Variants in IPO9 observed in about 807,000 individuals in gnomAD.
The protein encoded by IPO9 is importin-9.
In IPO9, 28 loss-of-function variants were observed where a neutral mutation model predicts 128.6. The ratio of observed to expected loss-of-function variants is 0.22; its 90% CI spans 0.16 to 0.30. IPO9 has a LOEUF of 0.30. Ranked by LOEUF, IPO9 falls within the 10% of genes least tolerant of loss-of-function variation. The probability of loss-of-function intolerance (pLI) is 1.00; values close to 1 mark genes in which losing one functional copy is unlikely to be tolerated. For synonymous variants in IPO9, 455 were observed against 475.8 expected (o/e 0.96, Z 0.57); for missense variants, 935 against 1,293.9 (o/e 0.72, Z 4.26).
intron 1 of IPO9, chr1:201,829,592 G>C (rs779140081): frequency 6.5e-5 from 23 of 355,746 alleles, no homozygotes; most frequent in African/African-American, 4.5e-4. Context: ...GCCTGGGAGT[G>C]GGGGAGGGAG....
intron 5 of IPO9, 142 bp from the exon 6 acceptor site, chr1:201,852,869 G>A: frequency 1.5e-6 from 1 of 674,226 alleles, no homozygotes; most frequent in East Asian, 2.5e-5. Flanking sequence ...GGACATAAAT[G>A]AATTACATTT....
chr1:201,841,981 A>G (rs1271466284), intron 1 of IPO9, among the ~76,000 whole-genome samples: 1 of 152,184 alleles, frequency 6.6e-6, no homozygotes, highest in Non-Finnish European at 1.5e-5. Context: ...CCCACCAGCA[A>G]ACAAGCAGTC....
intron 8 of IPO9, 43 bp from the exon 9 acceptor site, chr1:201,855,081 G>A (rs1365464570): frequency 1.4e-6 from 2 of 1,398,932 alleles, no homozygotes; most frequent in African/African-American, 1.4e-5. Flanking sequence ...TAGATTATAT[G>A]TAAAGCAGAC....
At position 201,869,734 on chromosome 1, in the gene IPO9, A is replaced by G. The variant is rs765309640; in HGVS notation, c.2133+16A>G. ...CACCATGCAGGTATCTGAGACATGGAGAGTAGAAGAGGGAAGATAGCTCCC... is the reference window on the plus strand; with the variant it reads ...CACCATGCAGGTATCTGAGACATGGGGAGTAGAAGAGGGAAGATAGCTCCC... On this transcript the variant is annotated intron_variant, in intron 17 of 23. Coordinates refer to ENST00000361565, the MANE Select transcript of IPO9 (RefSeq NM_018085.5). The G allele has an allele frequency of 6.2e-7, 1 of 1,613,384 alleles. No individual in the cohort carries two copies. Among genetic ancestry groups the G allele is most frequent in the Non-Finnish European group, 8.5e-7 (1 of 1,179,638 alleles).
At chr1:201,847,802 G>A (rs1395383290) in intron 3 of IPO9, among the ~76,000 whole-genome samples, 164 bp downstream of exon 3, 6 of 152,176 alleles carry the variant, frequency 3.9e-5, no homozygotes, top group Non-Finnish European at 4.4e-5. Context: ...AAGAGCTCAA[G>A]TATCAGGCTG....
chr1:201,848,569 C>G lies in IPO9; in HGVS notation c.489C>G (p.Val163=), dbSNP rs1369965270. The change falls in exon 4 of 24, where the codon GTC becomes GTG. Residue 163 remains valine (V), a synonymous_variant. Coordinates refer to ENST00000361565, the MANE Select transcript of IPO9 (RefSeq NM_018085.5). ...EMLVSGDLNA[V]HGAMRVLTEF... is the part of the protein sequence containing the mutation. ...TGGTGAGCGGAGACTTAAATGCCGT[C>G]CATGGAGCCATGCGTGTGCTGACAG... The G allele has an allele frequency of 6.2e-7, 1 of 1,614,070 alleles. No individual in the cohort carries two copies. Among genetic ancestry groups the G allele is most frequent in the South Asian group, 1.1e-5 (1 of 91,074 alleles).
At position 201,858,489 on chromosome 1, in the gene IPO9, G is replaced by C. The variant is rs768072057; in HGVS notation, c.1264G>C (p.Ala422Pro). ...CCAGAATGAAAGTGCAGCAGCCCTG[G>C]CTGCTGCAGCCACTCGACATTTACA... is the stretch of plus-strand genomic sequence containing the variant. Reference protein sequence around the residue: ...DFQNESAAALAAAATRHLQEA... With the variant: ...DFQNESAAALPAAATRHLQEA... The change falls in exon 12 of 24, where the codon GCT becomes CCT. Residue 422 changes from alanine to proline, a missense_variant. By Grantham distance (27) the Ala-to-Pro change is conservative (BLOSUM62 -1). This residue lies in a region of IPO9 where 741 missense variants were observed against 1,019.1 expected (regional missense o/e 0.73). Transcript: ENST00000361565. The C allele has an allele frequency of 1.4e-5, 23 of 1,597,006 alleles. No homozygotes were observed. The highest frequency in any genetic ancestry group is 1.6e-5 in the Non-Finnish European group (19 of 1,172,664).
At chr1:201,860,287 A>G (rs887207124) in intron 13 of IPO9, among the ~76,000 whole-genome samples, 2 of 152,234 alleles carry the variant, frequency 1.3e-5, no homozygotes, top group Non-Finnish European at 2.9e-5. Context: ...CGGGTGTCTC[A>G]GTCCATCACT....
intron 1 of IPO9, among the ~76,000 whole-genome samples, chr1:201,846,520 C>T (rs993271446): frequency 2.0e-5 from 3 of 151,982 alleles, no homozygotes; most frequent in Admixed American, 6.6e-5. Context: ...TACAGGTGCC[C>T]GCTACCATGC....
intron 10 of IPO9, 62 bp from the exon 11 acceptor site, chr1:201,857,034 T>A: frequency 9.8e-6 from 10 of 1,022,048 alleles, no homozygotes; most frequent in Non-Finnish European, 1.6e-5. Context: ...TTCCTGTATC[T>A]GTTGATGAAA....
rs1010943423 is a variant in IPO9 at position 201,877,507 on chromosome 1, A to G, written c.*1453A>G. 2.6e-5 allele frequency: 3 copies of G among 117,348 alleles called. No homozygotes were observed. The highest frequency in any genetic ancestry group is 8.9e-5 in the Admixed American group (1 of 11,270). 7.3% of individuals were successfully genotyped at this position (117,348 alleles called of 1,614,324 possible). On this transcript the variant is annotated 3_prime_UTR_variant, in exon 24 of 24. Coordinates refer to ENST00000361565, the MANE Select transcript of IPO9 (RefSeq NM_018085.5). Reference sequence around the variant, plus strand: ...CTCAATCACACACACACACACACACACACACAAATCATGGGGAGAAAGATG... The same window carrying G: ...CTCAATCACACACACACACACACACGCACACAAATCATGGGGAGAAAGATG...
rs1680631843 is a variant in IPO9, at chr1:201,870,628, C to G, written c.2179C>G (p.Gln727Glu). The G allele has an allele frequency of 6.2e-7, 1 of 1,614,180 alleles. No homozygotes were observed. Among genetic ancestry groups the G allele is most frequent in the South Asian group, 1.1e-5 (1 of 91,086 alleles). ...GGCCTATGTGTCAGTGACCCTGGAA[C>G]AAGTAGCCCAGTGGCATGATGAGCA... ...LRAYVSVTLE[Q>E]VAQWHDEQGH... The change falls in exon 18 of 24, where the codon CAA becomes GAA. Residue 727 changes from glutamine to glutamate, a missense_variant. By Grantham distance (29) the Gln-to-Glu change is conservative (BLOSUM62 2). Coordinates refer to ENST00000361565, the MANE Select transcript of IPO9 (RefSeq NM_018085.5). The surrounding 1 kb of genome is among the most constrained non-coding windows in gnomAD (Gnocchi z 4.9).
At chr1:201,832,082 A>G (rs1199089787) in intron 1 of IPO9, among the ~76,000 whole-genome samples, 1 of 150,906 alleles carries the variant, frequency 6.6e-6, no homozygotes, top group Non-Finnish European at 1.5e-5. Flanking sequence ...TTGTATTTTT[A>G]GTAGAGACGA....
At chr1:201,851,982 T>G in intron 4 of IPO9, 122 bp from the exon 5 acceptor site, 1 of 522,268 alleles carries the variant, frequency 1.9e-6, no homozygotes, top group South Asian at 3.0e-5. Flanking sequence ...ACCAGGCCAG[T>G]GTCTTTACCT....
chr1:201,864,139 G>A (rs1482116548), intron 14 of IPO9, among the ~76,000 whole-genome samples: 1 of 152,084 alleles, frequency 6.6e-6, no homozygotes, highest in Admixed American at 6.6e-5. Context: ...AATATCTTAG[G>A]CTCAAACTTA....
chr1:201,834,169 A>G (rs1471143003), intron 1 of IPO9, among the ~76,000 whole-genome samples: 1 of 147,620 alleles, frequency 6.8e-6, no homozygotes, highest in South Asian at 2.1e-4. Context: ...ATTTTTTTTA[A>G]GTTTTTTTAT....
chr1:201,875,536 GCTGTGATCATACCA>G (rs1446089294), intron 23 of IPO9, among the ~76,000 whole-genome samples: 2 of 151,686 alleles, frequency 1.3e-5, no homozygotes, highest in African/African-American at 4.8e-5. Context: ...GCTGCAGTGA[GCTGTGATCATACCA>G]CTGCACTCGA....
intron 1 of IPO9, among the ~76,000 whole-genome samples, chr1:201,834,207 CT>C (rs71141418): frequency 9.2e-4 from 102 of 111,236 alleles, no homozygotes; most frequent in African/African-American, 1.6e-3. Flanking sequence ...CTTTTCTTTT[CT>C]TTTTTTTTTT....
At chr1:201,848,717 C>T in intron 4 of IPO9, 123 bp downstream of exon 4, 1 of 918,836 alleles carries the variant, frequency 1.1e-6, no homozygotes, top group East Asian at 2.6e-5. Context: ...TTCCTCCCTC[C>T]TAGTTTTTAT....
Sources: gnomAD v4.1 joint callset for allele counts (sites outside exome capture counted in the v4.1 genomes callset) on GRCh38, gnomAD v4.1.1 for gene constraint, gnomAD v4.1.1 regional missense constraint, Gnocchi (gnomAD v3.1) non-coding constraint, MANE v1.5 for transcripts, NCBI Gene and HGNC (gene_info 2026-07-23, HGNC 2026-07-21) for gene names.